The following RNGTT variants were observed in gnomAD, a reference collection of about 807,000 sequenced individuals.
RNGTT encodes the protein mRNA-capping enzyme.
Under a neutral mutation model 79.3 loss-of-function variants are expected in RNGTT, and 33 were observed. That is an observed-to-expected ratio of 0.42 (90% CI 0.32 to 0.56). The LOEUF (loss-of-function observed/expected upper bound fraction) is 0.56, where lower values mean the gene tolerates loss of function less well. RNGTT is among the 20% of genes least tolerant of loss of function. The pLI is 0.17. For synonymous variants in RNGTT, 222 were observed against 235.9 expected (o/e 0.94, Z 0.54); for missense variants, 497 against 739.1 (o/e 0.67, Z 3.80).
rs149879200 is a variant in RNGTT, at chr6:88,803,228, T to C, written c.1270-1596A>G. Among the ~76,000 whole-genome samples, 308 of 152,150 alleles carry C rather than the reference T, an allele frequency of 2.0e-3. 1 individual carries two copies. Among genetic ancestry groups the C allele is most frequent in the Non-Finnish European group, 3.1e-3 (210 of 68,010 alleles). On this transcript the variant is annotated intron_variant, in intron 11 of 15. Coordinates refer to ENST00000369485, the MANE Select transcript of RNGTT (RefSeq NM_003800.5). Reference sequence around the variant, plus strand: ...TTCTGACACTGAGATAGAAATTAGATCAGTAATTGCCAGAGGCTTGGGGGG... The same window carrying C: ...TTCTGACACTGAGATAGAAATTAGACCAGTAATTGCCAGAGGCTTGGGGGG...
chr6:88,840,054 A>G (rs936576308), intron 11 of RNGTT, among the ~76,000 whole-genome samples: 1 of 152,204 alleles, frequency 6.6e-6, no homozygotes, highest in Non-Finnish European at 1.5e-5. Flanking sequence ...TGCATGTTTT[A>G]TAGCTGTAAA....
chr6:88,816,847 T>C (rs1780329763), intron 11 of RNGTT, among the ~76,000 whole-genome samples: 1 of 152,122 alleles, frequency 6.6e-6, no homozygotes, highest in Non-Finnish European at 1.5e-5. Context: ...TCAATGTCAT[T>C]GTTTCCTGGA....
At chr6:88,732,167 G>C (rs114488236) in intron 13 of RNGTT, among the ~76,000 whole-genome samples, 354 of 152,144 alleles carry the variant, frequency 2.3e-3, no homozygotes, top group African/African-American at 7.9e-3. Flanking sequence ...ACTGTATAGA[G>C]ACATTTAAAA....
chr6:88,891,919 TA>T lies in RNGTT; in HGVS notation c.685-5del, dbSNP rs138933610. 21,701 of 1,292,968 alleles carry T rather than the reference TA, an allele frequency of 0.017. 87 individuals are homozygous for T. Among genetic ancestry groups the T allele is most frequent in the South Asian group, 0.037 (2,295 of 62,604 alleles). 80.1% of individuals were successfully genotyped at this position (1,292,968 alleles called of 1,614,324 possible). On this transcript the variant is annotated splice_polypyrimidine_tract_variant and splice_region_variant and intron_variant, in intron 6 of 15. Coordinates refer to ENST00000369485, the MANE Select transcript of RNGTT (RefSeq NM_003800.5). ...CACCTTCCAAGAAAATAGCGCCCTT[TA>T]AAAAAAAAATAAGAAAAATAAGGGA... is the stretch of plus-strand genomic sequence containing the variant.
At chr6:88,642,723 T>C (rs1416240061) in intron 14 of RNGTT, among the ~76,000 whole-genome samples, 1 of 152,158 alleles carries the variant, frequency 6.6e-6, no homozygotes, top group African/African-American at 2.4e-5. Flanking sequence ...GTTTCCATTT[T>C]CTCACATGAA....
At chr6:88,826,573 C>T (rs916964466) in intron 11 of RNGTT, among the ~76,000 whole-genome samples, 1 of 151,918 alleles carries the variant, frequency 6.6e-6, no homozygotes, top group East Asian at 1.9e-4. Context: ...CACCTGAGGC[C>T]GGAAGTTCAA....
chr6:88,668,883 T>G (rs1375977310), intron 14 of RNGTT, among the ~76,000 whole-genome samples: 1 of 152,096 alleles, frequency 6.6e-6, no homozygotes, highest in African/African-American at 2.4e-5. Context: ...AAAAGCTATA[T>G]ATGGCAGAAA....
intron 14 of RNGTT, among the ~76,000 whole-genome samples, chr6:88,673,504 G>A (rs59844158): frequency 0.018 from 2,675 of 152,140 alleles, 68 homozygotes; most frequent in African/African-American, 0.061. Flanking sequence ...GTAATTTGGT[G>A]GAGCCATAGG....
chr6:88,673,772 A>G (rs1440783791), intron 14 of RNGTT, among the ~76,000 whole-genome samples: 6 of 152,250 alleles, frequency 3.9e-5, no homozygotes, highest in Non-Finnish European at 8.8e-5. Flanking sequence ...TCTGATACAC[A>G]TAACTCTGAG....
At chr6:88,670,227 T>C (rs572022609) in intron 14 of RNGTT, among the ~76,000 whole-genome samples, 2 of 152,324 alleles carry the variant, frequency 1.3e-5, no homozygotes, top group South Asian at 4.1e-4. Context: ...ATGGATTTGA[T>C]CCTGGGTCTG....
chr6:88,858,908 G>T (rs1781920667), intron 8 of RNGTT, among the ~76,000 whole-genome samples: 1 of 152,140 alleles, frequency 6.6e-6, no homozygotes, highest in Non-Finnish European at 1.5e-5. Flanking sequence ...ACTAAAAAAG[G>T]TTCAGAATAC....
intron 11 of RNGTT, among the ~76,000 whole-genome samples, chr6:88,840,785 T>C (rs188516281): frequency 6.6e-6 from 1 of 152,348 alleles, no homozygotes; most frequent in East Asian, 1.9e-4. Flanking sequence ...GAACACTGTC[T>C]TTCTAGTGAA....
intron 14 of RNGTT, among the ~76,000 whole-genome samples, chr6:88,673,700 A>C (rs1036895692): frequency 6.6e-6 from 1 of 152,210 alleles, no homozygotes. Flanking sequence ...GCTTGTTAGG[A>C]AATGTGCAGA....
chr6:88,883,827 AC>A (rs1427321194), intron 8 of RNGTT, among the ~76,000 whole-genome samples: 1 of 152,218 alleles, frequency 6.6e-6, no homozygotes, highest in African/African-American at 2.4e-5. Flanking sequence ...TGGCAAAAAA[AC>A]ATGAACAAAG....
chr6:88,716,223 T>C (rs1198132987), intron 13 of RNGTT, among the ~76,000 whole-genome samples: 1 of 151,896 alleles, frequency 6.6e-6, no homozygotes, highest in African/African-American at 2.4e-5. Flanking sequence ...AAAATGCTCA[T>C]CATCACTGGC....
chr6:88,815,775 C>A (rs1262107669), intron 11 of RNGTT, among the ~76,000 whole-genome samples: 2 of 152,152 alleles, frequency 1.3e-5, no homozygotes, highest in East Asian at 3.8e-4. Context: ...ACAGATGAGA[C>A]CTTTAGCTTC....
chr6:88,815,803 T>A (rs1490806370), intron 11 of RNGTT, among the ~76,000 whole-genome samples: 1 of 152,216 alleles, frequency 6.6e-6, no homozygotes, highest in Non-Finnish European at 1.5e-5. Context: ...TAGACATTGA[T>A]GTCTCCGGAT....
chr6:88,651,212 G>C (rs1425278152), intron 14 of RNGTT, among the ~76,000 whole-genome samples: 1 of 152,038 alleles, frequency 6.6e-6, no homozygotes, highest in Non-Finnish European at 1.5e-5. Context: ...CAGTGGACTA[G>C]GATAATTTTG....
chr6:88,722,241 G>C (rs1582381891), intron 13 of RNGTT, among the ~76,000 whole-genome samples: 1 of 151,942 alleles, frequency 6.6e-6, no homozygotes, highest in East Asian at 1.9e-4. Context: ...TTTTCATTAA[G>C]CAATTAAAGA....
Sources: allele counts gnomAD v4.1 joint callset (sites outside exome capture counted in the v4.1 genomes callset), GRCh38; gene constraint gnomAD v4.1.1; transcripts MANE v1.5; gene names NCBI Gene and HGNC (gene_info 2026-07-23, HGNC 2026-07-21).